Variants in FSTL5 observed in about 807,000 individuals in gnomAD.
FSTL5 encodes follistatin like 5.
FSTL5 carries 62 observed loss-of-function variants against 89.1 expected under a neutral mutation model. The ratio of observed to expected loss-of-function variants is 0.70; its 90% confidence interval spans 0.57 to 0.86. The LOEUF is 0.86. Among genes scored for constraint, FSTL5 ranks in the 40% least tolerant of loss-of-function variants. The pLI, the probability that FSTL5 is intolerant of heterozygous loss-of-function variation, is 0.00. For missense variants in FSTL5, 1,057 were observed against 1,001.6 expected (o/e 1.06, Z -0.75); for synonymous variants, 383 against 346.2 (o/e 1.11, Z -1.18).
At chr4:161,600,592 T>C (rs975562766) in intron 7 of FSTL5, among the ~76,000 whole-genome samples, 1 of 152,144 alleles carries the variant, frequency 6.6e-6, no homozygotes, top group Non-Finnish European at 1.5e-5. Flanking sequence ...AATATCCCAG[T>C]TTCTTGTTTC....
intron 6 of FSTL5, among the ~76,000 whole-genome samples, chr4:161,747,358 T>G (rs1740235620): frequency 6.6e-6 from 1 of 151,570 alleles, no homozygotes; most frequent in Non-Finnish European, 1.5e-5. Flanking sequence ...CAACATACTT[T>G]GTGTATTTTT....
Position 161,385,219 on chromosome 4 carries a change from T to C in FSTL5, c.*528A>G, listed in dbSNP as rs1239899643. The stretch of plus-strand genomic sequence containing the variant: ...TTTTTAACAACAAGAGATTTATAGT[T>C]ATGAGAGCATTTAGTATGCAGGCTT... On this transcript the variant is annotated 3_prime_UTR_variant, in exon 16 of 16. Coordinates refer to ENST00000306100, the MANE Select transcript of FSTL5 (RefSeq NM_020116.5). The C allele has an allele frequency of 6.5e-6, 1 of 153,482 alleles. No individual in the cohort carries two copies. Among genetic ancestry groups the C allele is most frequent in the Non-Finnish European group, 1.5e-5 (1 of 68,690 alleles). 9.5% of individuals were successfully genotyped at this position (153,482 alleles called of 1,614,324 possible).
At chr4:161,452,702 T>C (rs72973202) in intron 15 of FSTL5, among the ~76,000 whole-genome samples, 1,606 of 152,308 alleles carry the variant, frequency 0.011, 29 homozygotes, top group African/African-American at 0.036. Flanking sequence ...TTCATGTTCA[T>C]TAAAATGGGA....
rs1377791362 is a variant in FSTL5 at position 161,407,853 on chromosome 4, G to A, written c.1842-21404C>T. 2.0e-5 allele frequency among the ~76,000 whole-genome samples: 3 copies of A among 152,170 alleles called. No homozygotes were observed. The East Asian group carries it at 5.8e-4, about 29-fold the overall frequency. Reference sequence around the variant, plus strand: ...TGAGTGCTTTGCTCCACCTCAATGTGTTCCAACAGCTTGGAAAACTTTCAG... The same window carrying A: ...TGAGTGCTTTGCTCCACCTCAATGTATTCCAACAGCTTGGAAAACTTTCAG... On this transcript the variant is annotated intron_variant, in intron 15 of 15. Coordinates refer to ENST00000306100, the MANE Select transcript of FSTL5 (RefSeq NM_020116.5).
chr4:161,982,576 TG>T (rs1403987654), intron 3 of FSTL5, among the ~76,000 whole-genome samples: 1 of 152,208 alleles, frequency 6.6e-6, no homozygotes, highest in Non-Finnish European at 1.5e-5. Flanking sequence ...TTTCCTTGTT[TG>T]GGGAAAACAA....
At chr4:162,153,467 G>C (rs1451137522) in intron 1 of FSTL5, among the ~76,000 whole-genome samples, 1 of 150,934 alleles carries the variant, frequency 6.6e-6, no homozygotes, top group African/African-American at 2.4e-5. Context: ...TCTTACTACA[G>C]AGAGGGTAGG....
intron 13 of FSTL5, among the ~76,000 whole-genome samples, chr4:161,471,995 G>A (rs1043571625): frequency 1.7e-5 from 1 of 58,946 alleles, no homozygotes; most frequent in Non-Finnish European, 3.5e-5. Context: ...TTTTTTTTTT[G>A]AGACAGAGTC....
chr4:161,424,405 C>T (rs1732100225), intron 15 of FSTL5, among the ~76,000 whole-genome samples: 1 of 150,010 alleles, frequency 6.7e-6, no homozygotes, highest in Non-Finnish European at 1.5e-5. Flanking sequence ...TTTAAGGCAA[C>T]TAGTTTTTTT....
chr4:161,501,330 A>G (rs963040626), intron 11 of FSTL5, among the ~76,000 whole-genome samples: 7 of 152,114 alleles, frequency 4.6e-5, no homozygotes, highest in African/African-American at 1.7e-4. Context: ...TGTAAAAAAT[A>G]TGTGTTTATT....
intron 4 of FSTL5, among the ~76,000 whole-genome samples, chr4:161,887,685 G>C (rs934586069): frequency 2.0e-5 from 3 of 152,030 alleles, no homozygotes; most frequent in African/African-American, 7.3e-5. Flanking sequence ...ATAATTCATA[G>C]ATAAGCAATA....
chr4:162,017,285 A>G (rs1177113034), intron 3 of FSTL5, among the ~76,000 whole-genome samples: 1 of 152,176 alleles, frequency 6.6e-6, no homozygotes, highest in Non-Finnish European at 1.5e-5. Context: ...GAGAAAAGCC[A>G]AATTCTTTAC....
At chr4:161,541,969 A>G (rs1731832966) in intron 9 of FSTL5, among the ~76,000 whole-genome samples, 1 of 151,932 alleles carries the variant, frequency 6.6e-6, no homozygotes, top group African/African-American at 2.4e-5. Context: ...TCTAATATAC[A>G]GTAATTTATT....
At chr4:161,897,938 T>G (rs1167102066) in intron 4 of FSTL5, among the ~76,000 whole-genome samples, 1 of 151,866 alleles carries the variant, frequency 6.6e-6, no homozygotes, top group Non-Finnish European at 1.5e-5. Context: ...GTCTCAATAC[T>G]TTTGCCTTTT....
chr4:161,456,882 T>C (rs1342535312), intron 14 of FSTL5, among the ~76,000 whole-genome samples: 1 of 152,202 alleles, frequency 6.6e-6, no homozygotes, highest in Non-Finnish European at 1.5e-5. Flanking sequence ...GGAATTGACC[T>C]ACTCTTCTTC....
chr4:162,009,635 AC>A lies in FSTL5; in HGVS notation c.160+23989del, dbSNP rs556646955. ...TACATCTTAATATATAATTAATAAC[AC>A]TTAAAGGTATTAACTCATAGACTCG... On this transcript the variant is annotated intron_variant, in intron 3 of 15. Coordinates refer to ENST00000306100, the MANE Select transcript of FSTL5 (RefSeq NM_020116.5). Among the ~76,000 whole-genome samples, 10 of 152,166 alleles carry A rather than the reference AC, an allele frequency of 6.6e-5. No individual in the cohort carries two copies. The South Asian group carries it at 1.9e-3, about 28-fold the overall frequency.
intron 7 of FSTL5, among the ~76,000 whole-genome samples, chr4:161,632,757 T>C (rs1735544873): frequency 6.6e-6 from 1 of 152,206 alleles, no homozygotes; most frequent in African/African-American, 2.4e-5. Context: ...CTATTTCTAA[T>C]TTGCTTACAA....
chr4:161,794,348 G>T (rs931571213), intron 4 of FSTL5, among the ~76,000 whole-genome samples: 7 of 152,088 alleles, frequency 4.6e-5, no homozygotes, highest in African/African-American at 1.7e-4. Context: ...CTTGACATTA[G>T]TTCGGGTGTT....
At chr4:161,815,631 T>A (rs762394896) in intron 4 of FSTL5, among the ~76,000 whole-genome samples, 6 of 151,854 alleles carry the variant, frequency 4.0e-5, no homozygotes, top group Admixed American at 6.6e-5. Context: ...TTTATTCAGC[T>A]ACCCACATAA....
chr4:162,098,329 T>G (rs1363263495), intron 2 of FSTL5, among the ~76,000 whole-genome samples: 3 of 151,870 alleles, frequency 2.0e-5, no homozygotes, highest in African/African-American at 7.2e-5. Context: ...GAAGCGGAGA[T>G]TGATAGAGAA....
Sources: gnomAD v4.1 joint callset for allele counts (sites outside exome capture counted in the v4.1 genomes callset) on GRCh38, gnomAD v4.1.1 for gene constraint, MANE v1.5 for transcripts, NCBI Gene and HGNC (gene_info 2026-07-23, HGNC 2026-07-21) for gene names.